Variants in STOX1 observed in about 807,000 individuals in gnomAD.
The protein encoded by STOX1 is storkhead box 1.
A neutral mutation model predicts 74.8 loss-of-function variants in STOX1; 57 were observed. The ratio of observed to expected loss-of-function variants is 0.76; its 90% CI spans 0.62 to 0.95. The LOEUF is 0.95. Among genes scored for constraint, STOX1 ranks in the 40% least tolerant of loss-of-function variants. The pLI is 0.00. For synonymous variants in STOX1, 375 were observed against 401.3 expected (o/e 0.93, Z 0.78); for missense variants, 1,010 against 1,117.0 (o/e 0.90, Z 1.37).
At chr10:68,884,112 C>T (rs1840875633) in intron 2 of STOX1, 148 bp from the exon 3 acceptor site, 1 of 751,112 alleles carries the variant, frequency 1.3e-6, no homozygotes, top group African/African-American at 1.8e-5. Flanking sequence ...AGCCATCACA[C>T]CCATCCCTGG....
chr10:68,857,430 G>A (rs542138235), intron 1 of STOX1, among the ~76,000 whole-genome samples: 1 of 152,112 alleles, frequency 6.6e-6, no homozygotes, highest in South Asian at 2.1e-4. Context: ...CATCTTTCTG[G>A]GAGCCAGGTC....
intron 2 of STOX1, among the ~76,000 whole-genome samples, chr10:68,882,976 C>T (rs1186781076): frequency 6.6e-6 from 1 of 152,198 alleles, no homozygotes; most frequent in African/African-American, 2.4e-5. Flanking sequence ...ATCACTGCAG[C>T]CTCAAACTCG....
intron 1 of STOX1, among the ~76,000 whole-genome samples, chr10:68,839,614 G>C (rs371511890): frequency 6.6e-6 from 1 of 152,214 alleles, no homozygotes; most frequent in South Asian, 2.1e-4. Context: ...TACAGGCCGG[G>C]CATGGTGGCT....
intron 1 of STOX1, among the ~76,000 whole-genome samples, chr10:68,881,297 C>T (rs1021515542): frequency 1.3e-5 from 2 of 152,180 alleles, no homozygotes; most frequent in African/African-American, 4.8e-5. Context: ...CCACTTTGGT[C>T]CTGTATTAAG....
chr10:68,845,143 C>G (rs1332315574), intron 1 of STOX1, among the ~76,000 whole-genome samples: 1 of 152,040 alleles, frequency 6.6e-6, no homozygotes, highest in Non-Finnish European at 1.5e-5. Context: ...CGCTCTATCA[C>G]CCGAGCTGAA....
At chr10:68,842,696 C>T (rs749026618) in intron 1 of STOX1, among the ~76,000 whole-genome samples, 1 of 151,052 alleles carries the variant, frequency 6.6e-6, no homozygotes, top group African/African-American at 2.4e-5. Context: ...CCCGCCACCA[C>T]ACCTGGCTCA....
intron 1 of STOX1, among the ~76,000 whole-genome samples, chr10:68,866,942 C>CTTTTT (rs1488566686): frequency 4.1e-5 from 5 of 122,584 alleles, no homozygotes; most frequent in African/African-American, 6.5e-5. Context: ...CAATGCTTTC[C>CTTTTT]TTGTTTTTTT....
At chr10:68,888,579 A>T (rs906525955) in intron 3 of STOX1, among the ~76,000 whole-genome samples, 10 of 150,596 alleles carry the variant, frequency 6.6e-5, no homozygotes, top group Non-Finnish European at 1.3e-4. Flanking sequence ...ATGTTATTTA[A>T]TAGTTTCTCA....
chr10:68,878,343 G>A (rs1310054979), intron 1 of STOX1, among the ~76,000 whole-genome samples: 1 of 149,662 alleles, frequency 6.7e-6, no homozygotes, highest in African/African-American at 2.6e-5. Context: ...GAGGATAGAG[G>A]CTTGTTACCC....
At chr10:68,853,109 G>A (rs947588648) in intron 1 of STOX1, among the ~76,000 whole-genome samples, 3 of 151,962 alleles carry the variant, frequency 2.0e-5, no homozygotes, top group African/African-American at 7.3e-5. Context: ...ATTTTTAGTA[G>A]AAACGGGGTT....
intron 3 of STOX1, among the ~76,000 whole-genome samples, chr10:68,889,276 G>C (rs1564590778): frequency 6.6e-6 from 1 of 152,070 alleles, no homozygotes; most frequent in Non-Finnish European, 1.5e-5. Flanking sequence ...TGGCCATCAG[G>C]CTAATTAAAA....
At chr10:68,862,280 G>A (rs907126509) in intron 1 of STOX1, among the ~76,000 whole-genome samples, 1 of 151,812 alleles carries the variant, frequency 6.6e-6, no homozygotes, top group South Asian at 2.1e-4. Flanking sequence ...GCTTCCCAAG[G>A]ATGGGAAAAC....
chr10:68,849,946 A>C (rs1271289512), intron 1 of STOX1, among the ~76,000 whole-genome samples: 1 of 152,138 alleles, frequency 6.6e-6, no homozygotes, highest in Non-Finnish European at 1.5e-5. Context: ...GGGTCATGTA[A>C]AATGGCCAGT....
At position 68,886,222 on chromosome 10, in the gene STOX1, C is replaced by T; in HGVS notation, c.2426C>T (p.Pro809Leu). ...AAACCCACTGGGCTGCATGCTACCCCAGGTGAAAGCCAAGAACCTAACCTC... is the reference window on the plus strand; with the variant it reads ...AAACCCACTGGGCTGCATGCTACCCTAGGTGAAAGCCAAGAACCTAACCTC... ...CYKPTGLHAT[P>L]GESQEPNLSA... The change falls in exon 3 of 4, where the codon CCA (proline) becomes CTA (leucine). Residue 809 changes from proline to leucine, a missense_variant. Physicochemically the swap from Pro to Leu is moderately conservative, Grantham distance 98. Transcript: ENST00000298596. The T allele has an allele frequency of 6.2e-7, 1 of 1,614,192 alleles. No individual in the cohort carries two copies. The highest frequency in any genetic ancestry group is 8.5e-7 in the Non-Finnish European group (1 of 1,180,046).
chr10:68,866,872 A>G (rs532357094), intron 1 of STOX1, among the ~76,000 whole-genome samples: 1 of 151,714 alleles, frequency 6.6e-6, no homozygotes, highest in South Asian at 2.1e-4. Context: ...CGGGCCTCTC[A>G]TGGCATTTCC....
At chr10:68,876,530 C>G (rs1347195080) in intron 1 of STOX1, among the ~76,000 whole-genome samples, 2 of 152,192 alleles carry the variant, frequency 1.3e-5, no homozygotes, top group African/African-American at 4.8e-5. Flanking sequence ...AACAACAAAC[C>G]TTTTCAGAAA....
intron 1 of STOX1, among the ~76,000 whole-genome samples, chr10:68,849,369 C>A (rs1225353540): frequency 6.6e-6 from 1 of 152,134 alleles, no homozygotes; most frequent in Non-Finnish European, 1.5e-5. Flanking sequence ...CTGAGTGATT[C>A]TCTTAGGCCA....
At chr10:68,851,625 G>A (rs1480313034) in intron 1 of STOX1, among the ~76,000 whole-genome samples, 1 of 152,156 alleles carries the variant, frequency 6.6e-6, no homozygotes, top group African/African-American at 2.4e-5. Context: ...TGGATCATTT[G>A]AGGTCAGGAG....
At chr10:68,872,342 C>CTTTTTTTTTTTTT (rs72451894) in intron 1 of STOX1, among the ~76,000 whole-genome samples, 3 of 89,322 alleles carry the variant, frequency 3.4e-5, no homozygotes, top group African/African-American at 1.2e-4. Context: ...TTTTTCTTTT[C>CTTTTTTTTTTTTT]TTTTTTTTTT....
Sources: gnomAD v4.1 joint callset for allele counts (sites outside exome capture counted in the v4.1 genomes callset) on GRCh38, gnomAD v4.1.1 for gene constraint, MANE v1.5 for transcripts, NCBI Gene and HGNC (gene_info 2026-07-23, HGNC 2026-07-21) for gene names.